KSR2: variants seen among roughly 807,000 people sequenced by gnomAD.
KSR2 encodes the protein kinase suppressor of ras 2.
In KSR2, 25 loss-of-function variants were observed where a neutral mutation model predicts 107.8. That is an observed-to-expected ratio of 0.23 (90% CI 0.17 to 0.32). KSR2 has a LOEUF of 0.32. Among genes scored for constraint, KSR2 ranks in the 10% least tolerant of loss-of-function variants. KSR2 has a pLI of 1.00. For synonymous variants in KSR2, 480 were observed against 507.0 expected (o/e 0.95, Z 0.71); for missense variants, 887 against 1,268.9 (o/e 0.70, Z 4.57).
At chr12:117,684,534 C>A (rs552836577) in intron 4 of KSR2, among the ~76,000 whole-genome samples, 1 of 151,518 alleles carries the variant, frequency 6.6e-6, no homozygotes, top group African/African-American at 2.4e-5. Flanking sequence ...GCAAGGCTGG[C>A]ACCCACCCTC....
chr12:117,668,761 T>G (rs533209334), intron 4 of KSR2, among the ~76,000 whole-genome samples: 1 of 152,278 alleles, frequency 6.6e-6, no homozygotes, highest in Admixed American at 6.5e-5. Context: ...GATATCTGTC[T>G]GATAGTTCCT....
At chr12:117,838,167 C>G (rs112616955) in intron 3 of KSR2, among the ~76,000 whole-genome samples, 3,558 of 152,270 alleles carry the variant, frequency 0.023, 144 homozygotes, top group African/African-American at 0.08. Context: ...CCATGCATAA[C>G]GTTTTGGGTT....
intron 3 of KSR2, among the ~76,000 whole-genome samples, chr12:117,777,175 C>CTATATA (rs56862811): frequency 0.096 from 13,093 of 136,644 alleles, 714 homozygotes; most frequent in Non-Finnish European, 0.13. Context: ...CATATATACA[C>CTATATA]TATATATATA....
intron 4 of KSR2, among the ~76,000 whole-genome samples, chr12:117,740,708 C>T (rs1888187865): frequency 6.9e-6 from 1 of 145,588 alleles, no homozygotes; most frequent in African/African-American, 2.5e-5. Context: ...ACAATTTATC[C>T]ACTCATCGAT....
At chr12:117,700,611 G>A (rs1341121633) in intron 4 of KSR2, among the ~76,000 whole-genome samples, 2 of 152,180 alleles carry the variant, frequency 1.3e-5, no homozygotes, top group African/African-American at 4.8e-5. Context: ...CGGATGCTAC[G>A]GAGATATATA....
At chr12:117,656,986 ATAT>A (rs1565947164) in intron 5 of KSR2, among the ~76,000 whole-genome samples, 2,243 of 28,806 alleles carry the variant, frequency 0.078, 106 homozygotes, top group African/African-American at 0.17. Context: ...AATAGGATAT[ATAT>A]ATATATATAT....
At chr12:117,677,504 T>G (rs1436867310) in intron 4 of KSR2, among the ~76,000 whole-genome samples, 1 of 152,164 alleles carries the variant, frequency 6.6e-6, no homozygotes, top group Non-Finnish European at 1.5e-5. Context: ...ACTTCCAGCC[T>G]CTAGAACTGT....
chr12:117,896,800 T>C (rs2137378170), intron 1 of KSR2, among the ~76,000 whole-genome samples: 1 of 152,164 alleles, frequency 6.6e-6, no homozygotes, highest in Non-Finnish European at 1.5e-5. Flanking sequence ...ACTGAACACT[T>C]TAAGAGGATA....
At chr12:117,565,715 T>G (rs192741554) in intron 7 of KSR2, among the ~76,000 whole-genome samples, 134 of 152,388 alleles carry the variant, frequency 8.8e-4, no homozygotes, top group African/African-American at 3.2e-3. Context: ...CTTATCTGTT[T>G]GTTTACTCTC....
At chr12:117,541,483 C>G (rs1876489391) in intron 9 of KSR2, among the ~76,000 whole-genome samples, 1 of 152,170 alleles carries the variant, frequency 6.6e-6, no homozygotes, top group African/African-American at 2.4e-5. Context: ...TGAGCAAAAG[C>G]AGCAAACCTC....
rs1877866406 is a variant in KSR2 at position 117,558,540 on chromosome 12, G to T, written c.1359C>A (p.Ala453=). 1 of 1,613,736 alleles carries T rather than the reference G, an allele frequency of 6.2e-7. No homozygotes were observed. The highest frequency in any genetic ancestry group is 1.7e-5 in the Admixed American group (1 of 59,988). The change falls in exon 8 of 20, where the codon GCC becomes GCA. Residue 453 remains alanine (A), a synonymous_variant. Coordinates refer to ENST00000339824, the MANE Select transcript of KSR2 (RefSeq NM_173598.6). ...GGATGATCAGAAGATGACAGGGTGGGGCTTCTTTGGTGCATTTGTTGTGGC... is the reference window on the plus strand; with the variant it reads ...GGATGATCAGAAGATGACAGGGTGGTGCTTCTTTGGTGCATTTGTTGTGGC... ...LKCHNKCTKE[A]PPCHLLIIHR... is the part of the protein sequence containing the mutation.
chr12:117,755,787 C>T (rs1390500716), intron 4 of KSR2, among the ~76,000 whole-genome samples: 2 of 152,178 alleles, frequency 1.3e-5, no homozygotes, highest in Non-Finnish European at 2.9e-5. Context: ...CTTCTTATGC[C>T]AAATGGTCAA....
chr12:117,545,727 C>T (rs916126581), intron 9 of KSR2, among the ~76,000 whole-genome samples: 7 of 152,056 alleles, frequency 4.6e-5, no homozygotes, highest in Non-Finnish European at 8.8e-5. Flanking sequence ...ATTTTTCCTG[C>T]CTTCCTGTGA....
At position 117,538,766 on chromosome 12, in the gene KSR2, C is replaced by T. The variant is rs545203799; in HGVS notation, c.1687+953G>A. Among the ~76,000 whole-genome samples the T allele has an allele frequency of 5.3e-5, 8 of 152,304 alleles. No homozygotes were observed. In the East Asian group the frequency reaches 1.5e-3, roughly 29 times the overall value. On this transcript the variant is annotated intron_variant, in intron 10 of 19. Coordinates refer to ENST00000339824, the MANE Select transcript of KSR2 (RefSeq NM_173598.6). ...TTTTAATTTATTTAAATGTAAATAGCCACACATGGCTAGCAGATACCATGT... is the reference window on the plus strand; with the variant it reads ...TTTTAATTTATTTAAATGTAAATAGTCACACATGGCTAGCAGATACCATGT...
chr12:117,591,194 T>C (rs1369763110), intron 5 of KSR2, among the ~76,000 whole-genome samples: 2 of 152,202 alleles, frequency 1.3e-5, no homozygotes, highest in African/African-American at 4.8e-5. Context: ...GCAATGTCTC[T>C]ACATGCAACT....
At chr12:117,497,235 C>T (rs1873083908) in intron 14 of KSR2, among the ~76,000 whole-genome samples, 1 of 152,128 alleles carries the variant, frequency 6.6e-6, no homozygotes. Flanking sequence ...GAAGGGCTGA[C>T]TCTTTGCTCG....
At chr12:117,722,374 G>A (rs10850890) in intron 4 of KSR2, among the ~76,000 whole-genome samples, 6 of 151,950 alleles carry the variant, frequency 3.9e-5, no homozygotes, top group Admixed American at 6.6e-5. Flanking sequence ...CCTACTGGGC[G>A]GCATTCCCGG....
At chr12:117,537,938 T>C (rs1876165126) in intron 10 of KSR2, among the ~76,000 whole-genome samples, 1 of 152,142 alleles carries the variant, frequency 6.6e-6, no homozygotes, top group Admixed American at 6.5e-5. Context: ...TTGTGCACAG[T>C]TCTCCCATAA....
chr12:117,704,617 G>A (rs1593150025), intron 4 of KSR2, among the ~76,000 whole-genome samples: 1 of 152,276 alleles, frequency 6.6e-6, no homozygotes, highest in East Asian at 1.9e-4. Context: ...CCAGCACTTT[G>A]GGAGGCCAAG....
Sources: allele counts gnomAD v4.1 joint callset (sites outside exome capture counted in the v4.1 genomes callset), GRCh38; gene constraint gnomAD v4.1.1; transcripts MANE v1.5; gene names NCBI Gene and HGNC (gene_info 2026-07-23, HGNC 2026-07-21).